USP12: variants seen among roughly 807,000 people sequenced by gnomAD.
USP12 encodes ubiquitin specific peptidase 12.
In USP12, 19 loss-of-function variants were observed where a neutral mutation model predicts 45.5. The observed-to-expected ratio is 0.42, with a 90% CI of 0.29 to 0.61. USP12 has a LOEUF of 0.61. Ranked by LOEUF, USP12 falls within the 20% of genes least tolerant of loss-of-function variation. The pLI is 0.22. For missense variants in USP12, 242 were observed against 447.7 expected (o/e 0.54, Z 4.15); for synonymous variants, 149 against 148.8 (o/e 1.00, Z -0.01).
At chr13:27,095,381 C>A (rs796373719) in intron 4 of USP12, among the ~76,000 whole-genome samples, 9 of 152,264 alleles carry the variant, frequency 5.9e-5, no homozygotes, top group African/African-American at 2.2e-4. Context: ...ACAGTTCAAG[C>A]TACAGTAAGT....
intron 1 of USP12, among the ~76,000 whole-genome samples, chr13:27,138,432 G>A (rs985661141): frequency 6.6e-6 from 1 of 152,180 alleles, no homozygotes; most frequent in Non-Finnish European, 1.5e-5. Context: ...GCTGAGAGAT[G>A]GTGTATCCCC....
chr13:27,120,902 A>G (rs945207027), intron 1 of USP12, among the ~76,000 whole-genome samples: 3 of 152,230 alleles, frequency 2.0e-5, no homozygotes, highest in African/African-American at 7.2e-5. Context: ...TAATCTGCAG[A>G]AATCAAAAAA....
chr13:27,073,851 C>T (rs191028021), intron 7 of USP12, among the ~76,000 whole-genome samples: 88 of 152,290 alleles, frequency 5.8e-4, no homozygotes, highest in African/African-American at 2.1e-3. Context: ...CATAACGTTA[C>T]ACTGCCCACA....
intron 7 of USP12, among the ~76,000 whole-genome samples, chr13:27,073,821 AG>A (rs1873350956): frequency 6.6e-6 from 1 of 152,236 alleles, no homozygotes; most frequent in Non-Finnish European, 1.5e-5. Context: ...AGAAAACTGA[AG>A]GCTTTTCAGG....
intron 6 of USP12, among the ~76,000 whole-genome samples, chr13:27,089,036 ATAAC>A (rs960520779): frequency 6.6e-6 from 1 of 152,234 alleles, no homozygotes; most frequent in Non-Finnish European, 1.5e-5. Context: ...ATTCTACAAA[ATAAC>A]TAACTTATGA....
At chr13:27,090,015 G>A (rs754037297) in intron 5 of USP12, 49 bp from the exon 6 acceptor site, 2 of 1,586,046 alleles carry the variant, frequency 1.3e-6, no homozygotes. Flanking sequence ...AGGAAATCAT[G>A]TATCTTAAAA....
chr13:27,069,263 CT>C lies in USP12; in HGVS notation c.*19del. On this transcript the variant is annotated 3_prime_UTR_variant, in exon 9 of 9. Coordinates refer to ENST00000282344, the MANE Select transcript of USP12 (RefSeq NM_182488.4). ...AGAGAAGAAATGAGGCAGAAAGTGT[CT>C]CTTCATCACGGTTCCCTCTCAGTCC... The C allele has an allele frequency of 4.4e-6, 7 of 1,577,874 alleles. No homozygotes were observed. Among genetic ancestry groups the C allele is most frequent in the Non-Finnish European group, 6.1e-6 (7 of 1,149,292 alleles).
chr13:27,155,275 G>A (rs949296884), intron 1 of USP12, among the ~76,000 whole-genome samples: 29 of 151,550 alleles, frequency 1.9e-4, no homozygotes, highest in African/African-American at 5.6e-4. Flanking sequence ...TAGAGACAGG[G>A]TTTCACCATG....
At chr13:27,148,811 C>CACACACACACACACAG (rs1877435411) in intron 1 of USP12, among the ~76,000 whole-genome samples, 1 of 151,162 alleles carries the variant, frequency 6.6e-6, no homozygotes, top group African/African-American at 2.4e-5. Flanking sequence ...CACACACACA[C>CACACACACACACACAG]ACAAAAATCA....
At chr13:27,165,506 C>T (rs7998347) in intron 1 of USP12, among the ~76,000 whole-genome samples, 70,385 of 151,922 alleles carry the variant, frequency 0.46, 17,115 homozygotes, top group East Asian at 0.8. Context: ...TGTTAAAGGG[C>T]AGTAACAGCC....
rs541993805 is a variant in USP12 at position 27,142,329 on chromosome 13, G to A, written c.49-25733C>T. Among the ~76,000 whole-genome samples, 17 of 152,186 alleles carry A rather than the reference G, an allele frequency of 1.1e-4. No individual in the cohort carries two copies. In the South Asian group the frequency reaches 2.3e-3, roughly 20 times the overall value. On this transcript the variant is annotated intron_variant, in intron 1 of 8. Coordinates refer to ENST00000282344, the MANE Select transcript of USP12 (RefSeq NM_182488.4). ...CAAGTCGATAAAGACGAAAAAAGGC[G>A]GAAGAATAATGATGAAAAGACACTA...
At chr13:27,123,106 AT>A (rs1394308123) in intron 1 of USP12, among the ~76,000 whole-genome samples, 189 of 140,634 alleles carry the variant, frequency 1.3e-3, no homozygotes, top group African/African-American at 4.6e-3. Context: ...AAAAAAAAAA[AT>A]ATTTTACAGA....
intron 1 of USP12, among the ~76,000 whole-genome samples, chr13:27,158,609 G>C (rs1877950983): frequency 6.6e-6 from 1 of 152,202 alleles, no homozygotes; most frequent in Admixed American, 6.5e-5. Context: ...ACTGGATCCT[G>C]TAGGTAACTG....
rs1364402647 is a variant in USP12, at chr13:27,105,816, A to T, written c.258T>A (p.Asp86Glu). The change falls in exon 3 of 9, where the codon GAT (aspartate) becomes GAA (glutamate). Residue 86 changes from aspartate to glutamate, a missense_variant. Transcript: ENST00000282344. ...KKESLLTCLADLFHSIATQKK... is the reference protein window; with the variant it reads ...KKESLLTCLAELFHSIATQKK... ...TCTGAGTGGCTATGCTATGGAAGAGATCTGCTAAGCATGTAAGAAGGCTCT... is the reference window on the plus strand; with the variant it reads ...TCTGAGTGGCTATGCTATGGAAGAGTTCTGCTAAGCATGTAAGAAGGCTCT... The T allele has an allele frequency of 6.2e-7, 1 of 1,613,868 alleles. No individual in the cohort carries two copies. The highest frequency in any genetic ancestry group is 8.5e-7 in the Non-Finnish European group (1 of 1,179,826).
At chr13:27,108,681 G>T (rs1875273719) in intron 2 of USP12, among the ~76,000 whole-genome samples, 3 of 152,176 alleles carry the variant, frequency 2.0e-5, no homozygotes, top group Non-Finnish European at 4.4e-5. Flanking sequence ...TTTAGGCTGG[G>T]TACAATGGCT....
intron 7 of USP12, among the ~76,000 whole-genome samples, chr13:27,074,371 G>T (rs1036980719): frequency 6.6e-6 from 1 of 151,902 alleles, no homozygotes; most frequent in African/African-American, 2.4e-5. Flanking sequence ...CTGCACTCCA[G>T]CCTGGGCCAC....
In USP12 at chr13:27,095,509, T is replaced by C. The variant is rs980181147; in HGVS notation, c.573+92A>G. On this transcript the variant is annotated intron_variant, in intron 4 of 8. Coordinates refer to ENST00000282344, the MANE Select transcript of USP12 (RefSeq NM_182488.4). ...CTCCTATACCTAAGAATTACAACTT[T>C]CAAGTTCATCTTCCATTCTGTCTTT... 5.3e-6 allele frequency: 5 copies of C among 951,564 alleles called. No individual in the cohort carries two copies. The African/African-American group carries it at 8.4e-5, about 16-fold the overall frequency. The allele number at this position is 951,564 out of a possible 1,614,324, so 58.9% of individuals were successfully genotyped here. A position where few individuals can be genotyped will look rare whatever the true frequency, so the allele number is the denominator to read the frequency against.
intron 1 of USP12, 121 bp from the exon 2 acceptor site, chr13:27,116,717 A>C: frequency 1.3e-6 from 1 of 793,326 alleles, no homozygotes; most frequent in Admixed American, 2.8e-5. Context: ...GCTGCCCTAC[A>C]CAGGTGCGTC....
intron 1 of USP12, among the ~76,000 whole-genome samples, chr13:27,141,915 A>G (rs1458058948): frequency 1.3e-5 from 2 of 152,156 alleles, no homozygotes; most frequent in African/African-American, 4.8e-5. Flanking sequence ...TGGGCGTGGT[A>G]GCTCATGCCT....
Sources: gnomAD v4.1 joint callset for allele counts (sites outside exome capture counted in the v4.1 genomes callset) on GRCh38, gnomAD v4.1.1 for gene constraint, MANE v1.5 for transcripts, NCBI Gene and HGNC (gene_info 2026-07-23, HGNC 2026-07-21) for gene names.